PLPPR1: variants seen among roughly 807,000 people sequenced by gnomAD.
PLPPR1 encodes the protein phospholipid phosphatase related 1.
A neutral mutation model predicts 33.1 loss-of-function variants in PLPPR1; 10 were observed. The ratio of observed to expected loss-of-function variants is 0.30; its 90% CI spans 0.19 to 0.51. The LOEUF (loss-of-function observed/expected upper bound fraction) is 0.51, where lower values mean the gene tolerates loss of function less well. Among genes scored for constraint, PLPPR1 ranks in the 20% least tolerant of loss-of-function variants. The pLI is 0.97. For missense variants in PLPPR1, 304 were observed against 408.1 expected (o/e 0.74, Z 2.20); for synonymous variants, 151 against 151.0 (o/e 1.00, Z 0.00).
rs76251944 is a variant in PLPPR1, at chr9:101,228,387, C to T, written c.64-41493C>T. 5.3e-5 allele frequency among the ~76,000 whole-genome samples: 8 copies of T among 152,224 alleles called. No individual in the cohort carries two copies. The East Asian group carries it at 1.6e-3, about 30-fold the overall frequency. The stretch of plus-strand genomic sequence containing the variant: ...AAAAGCAAAGCGTGAGGTCCACATC[C>T]TTTATTTGGATCCTAGTTTCTTTAA... On this transcript the variant is annotated intron_variant, in intron 2 of 7. Coordinates refer to ENST00000374874, the MANE Select transcript of PLPPR1 (RefSeq NM_207299.2).
At chr9:101,073,234 T>C (rs745865740) in intron 1 of PLPPR1, among the ~76,000 whole-genome samples, 1 of 152,200 alleles carries the variant, frequency 6.6e-6, no homozygotes, top group Non-Finnish European at 1.5e-5. Flanking sequence ...AGCTCACCAA[T>C]ACAGGATTCT....
At chr9:101,225,902 A>T (rs1257031183) in intron 2 of PLPPR1, among the ~76,000 whole-genome samples, 1 of 152,142 alleles carries the variant, frequency 6.6e-6, no homozygotes, top group African/African-American at 2.4e-5. Context: ...GTTTAGGATC[A>T]ACCCATCAAT....
chr9:101,145,202 T>C (rs1831505284), intron 1 of PLPPR1, among the ~76,000 whole-genome samples: 1 of 152,114 alleles, frequency 6.6e-6, no homozygotes, highest in South Asian at 2.1e-4. Context: ...CTATTGCACA[T>C]CATGGGGACT....
intron 4 of PLPPR1, among the ~76,000 whole-genome samples, chr9:101,301,309 A>G (rs1051665196): frequency 6.6e-6 from 1 of 152,198 alleles, no homozygotes; most frequent in Admixed American, 6.5e-5. Flanking sequence ...CCTGCATTTA[A>G]AAAATAATTT....
intron 3 of PLPPR1, among the ~76,000 whole-genome samples, chr9:101,278,221 G>A (rs1429090975): frequency 6.6e-6 from 1 of 152,110 alleles, no homozygotes; most frequent in Non-Finnish European, 1.5e-5. Flanking sequence ...TCCACAGACT[G>A]TTTATATTCT....
intron 1 of PLPPR1, among the ~76,000 whole-genome samples, chr9:101,088,699 T>G (rs1316346690): frequency 3.9e-5 from 6 of 152,204 alleles, no homozygotes; most frequent in Admixed American, 3.9e-4. Context: ...AAAGACATTT[T>G]TTTATTGCTC....
chr9:101,056,425 TA>T (rs112325121), intron 1 of PLPPR1, among the ~76,000 whole-genome samples: 16 of 150,500 alleles, frequency 1.1e-4, no homozygotes, highest in East Asian at 1.9e-4. Context: ...TTTAGGTAAT[TA>T]AAAAAAAAAT....
chr9:101,176,130 A>G (rs1826015164), intron 1 of PLPPR1, among the ~76,000 whole-genome samples: 1 of 152,194 alleles, frequency 6.6e-6, no homozygotes, highest in South Asian at 2.1e-4. Context: ...AAGGGCCTGG[A>G]AAAGGGTAGC....
intron 1 of PLPPR1, among the ~76,000 whole-genome samples, chr9:101,079,263 G>A (rs1287297188): frequency 6.6e-6 from 1 of 152,122 alleles, no homozygotes; most frequent in African/African-American, 2.4e-5. Flanking sequence ...TCCCTTTGCT[G>A]TCATCCTGGA....
At chr9:101,249,241 GAGA>G (rs940218526) in intron 2 of PLPPR1, among the ~76,000 whole-genome samples, 4 of 152,092 alleles carry the variant, frequency 2.6e-5, no homozygotes, top group Non-Finnish European at 4.4e-5. Context: ...CTCTCTTCTG[GAGA>G]AGATGCTTTG....
At chr9:101,286,758 T>C (rs1205779177) in intron 4 of PLPPR1, among the ~76,000 whole-genome samples, 5 of 152,216 alleles carry the variant, frequency 3.3e-5, no homozygotes, top group African/African-American at 1.2e-4. Flanking sequence ...TCTACATCCC[T>C]CCTTCTAGGA....
intron 2 of PLPPR1, among the ~76,000 whole-genome samples, chr9:101,225,087 G>T (rs548828118): frequency 9.9e-4 from 150 of 152,224 alleles, no homozygotes; most frequent in Admixed American, 1.6e-3. Flanking sequence ...ATTAGCCTAT[G>T]GTAAAATTGG....
chr9:101,163,765 C>T (rs1214810523), intron 1 of PLPPR1, among the ~76,000 whole-genome samples: 2 of 152,126 alleles, frequency 1.3e-5, no homozygotes, highest in Non-Finnish European at 2.9e-5. Flanking sequence ...GATAGTGGCA[C>T]GGTCAGTTAG....
At chr9:101,276,800 A>G (rs1213992309) in intron 3 of PLPPR1, among the ~76,000 whole-genome samples, 1 of 152,234 alleles carries the variant, frequency 6.6e-6, no homozygotes, top group Non-Finnish European at 1.5e-5. Context: ...TAAGACCAGT[A>G]GAGAGGCTCC....
chr9:101,239,884 A>C (rs2118844140), intron 2 of PLPPR1, among the ~76,000 whole-genome samples: 1 of 152,172 alleles, frequency 6.6e-6, no homozygotes, highest in Middle Eastern at 3.4e-3. Context: ...GCTGTGCAGA[A>C]GCTTTTGAGT....
intron 2 of PLPPR1, among the ~76,000 whole-genome samples, chr9:101,201,152 C>A (rs567846491): frequency 1.3e-5 from 2 of 152,282 alleles, no homozygotes; most frequent in South Asian, 2.1e-4. Context: ...AAGGCCAAGA[C>A]AGCTGAATGC....
At chr9:101,188,660 A>G (rs995637999) in intron 2 of PLPPR1, among the ~76,000 whole-genome samples, 5 of 151,968 alleles carry the variant, frequency 3.3e-5, no homozygotes, top group African/African-American at 9.7e-5. Flanking sequence ...GCTCCCTACC[A>G]TCATCTACTT....
At chr9:101,198,287 A>G (rs931836681) in intron 2 of PLPPR1, among the ~76,000 whole-genome samples, 1 of 152,144 alleles carries the variant, frequency 6.6e-6, no homozygotes, top group Non-Finnish European at 1.5e-5. Flanking sequence ...ACAGTTAATG[A>G]TAAAAGCATA....
At chr9:101,173,984 C>T (rs566316259) in intron 1 of PLPPR1, among the ~76,000 whole-genome samples, 1 of 152,178 alleles carries the variant, frequency 6.6e-6, no homozygotes, top group African/African-American at 2.4e-5. Context: ...TAGTGAGACC[C>T]TGTTTCCACA....
Sources: gnomAD v4.1 joint callset for allele counts (sites outside exome capture counted in the v4.1 genomes callset) on GRCh38, gnomAD v4.1.1 for gene constraint, MANE v1.5 for transcripts, NCBI Gene and HGNC (gene_info 2026-07-23, HGNC 2026-07-21) for gene names.